The following UBR1 variants were observed in gnomAD, a reference collection of about 807,000 sequenced individuals.
The protein encoded by UBR1 is E3 ubiquitin-protein ligase UBR1.
A neutral mutation model predicts 242.1 loss-of-function variants in UBR1; 102 were observed. The ratio of observed to expected loss-of-function variants is 0.42; its 90% CI spans 0.36 to 0.50. The LOEUF is 0.50. Among genes scored for constraint, UBR1 ranks in the 20% least tolerant of loss-of-function variants. The pLI is 0.01. For synonymous variants in UBR1, 675 were observed against 684.8 expected (o/e 0.99, Z 0.22); for missense variants, 1,772 against 2,101.8 (o/e 0.84, Z 3.07).
rs771939192 is a variant in UBR1, at chr15:42,945,435, T to A, written c.5144A>T (p.Tyr1715Phe). 4.3e-6 allele frequency: 7 copies of A among 1,614,170 alleles called. No homozygotes were observed. The highest frequency in any genetic ancestry group is 5.9e-6 in the Non-Finnish European group (7 of 1,180,034). Reference sequence around the variant, plus strand: ...TTGCCAGACCAAATGGAGCTTCCGATACCGCTCACGAGATAAATGAAGGGG... The same window carrying A: ...TTGCCAGACCAAATGGAGCTTCCGAAACCGCTCACGAGATAAATGAAGGGG... ...GNPLHLSRERYRKLHLVWQQH... is the reference protein window; with the variant it reads ...GNPLHLSRERFRKLHLVWQQH... The change falls in exon 47 of 47, where the codon TAT becomes TTT. Residue 1715 changes from tyrosine to phenylalanine, a missense_variant. Around this residue, in one of 3 missense-constraint regions of UBR1, gnomAD observed 965 missense variants for 1,079.7 expected, o/e 0.89. Coordinates refer to ENST00000290650, the MANE Select transcript of UBR1 (RefSeq NM_174916.3).
At chr15:43,040,262 A>G (rs1296461824) in intron 15 of UBR1, among the ~76,000 whole-genome samples, 1 of 152,198 alleles carries the variant, frequency 6.6e-6, no homozygotes, top group Non-Finnish European at 1.5e-5. Context: ...ATATAGACCA[A>G]TGGGACTGAA....
chr15:43,021,267 T>A lies in UBR1; in HGVS notation c.2940+8A>T. On this transcript the variant is annotated splice_region_variant and intron_variant, in intron 27 of 46. Transcript: ENST00000290650. ...CCAAGATATGATCACTTTACTTTTT[T>A]AGTTTACCTGAAGTATCCACGTTAT... 1 of 1,612,018 alleles carries A rather than the reference T, an allele frequency of 6.2e-7. No individual in the cohort carries two copies. Among genetic ancestry groups the A allele is most frequent in the Non-Finnish European group, 8.5e-7 (1 of 1,178,270 alleles).
intron 33 of UBR1, among the ~76,000 whole-genome samples, chr15:42,994,746 T>C (rs1404932974): frequency 1.3e-5 from 2 of 152,218 alleles, no homozygotes; most frequent in African/African-American, 2.4e-5. Flanking sequence ...CAATTAGTCA[T>C]TCAATAAGCA....
intron 46 of UBR1, among the ~76,000 whole-genome samples, chr15:42,945,951 C>T (rs2031726253): frequency 6.6e-6 from 1 of 152,126 alleles, no homozygotes; most frequent in Non-Finnish European, 1.5e-5. Flanking sequence ...TGGTTATTAG[C>T]AAATAATTTA....
At chr15:42,968,531 CTG>C (rs1482288840) in intron 40 of UBR1, among the ~76,000 whole-genome samples, 3 of 151,740 alleles carry the variant, frequency 2.0e-5, no homozygotes, top group Non-Finnish European at 4.4e-5. Context: ...AGCTTCATAA[CTG>C]ATTATTATTA....
chr15:43,068,666 G>A (rs960542002), intron 5 of UBR1, among the ~76,000 whole-genome samples: 3 of 152,116 alleles, frequency 2.0e-5, no homozygotes, highest in Non-Finnish European at 1.5e-5. Flanking sequence ...TGTCACCCAG[G>A]CTGGAGTACG....
chr15:43,035,210 T>C (rs1014044465), intron 19 of UBR1, among the ~76,000 whole-genome samples: 1 of 152,190 alleles, frequency 6.6e-6, no homozygotes, highest in African/African-American at 2.4e-5. Context: ...ATACAATTTT[T>C]GTTTTAAAAA....
At chr15:43,093,742 C>T (rs973621511) in intron 1 of UBR1, among the ~76,000 whole-genome samples, 2 of 148,996 alleles carry the variant, frequency 1.3e-5, no homozygotes, top group Non-Finnish European at 3.0e-5. Flanking sequence ...GCCCTGATCG[C>T]GCCACCGCAC....
intron 41 of UBR1, among the ~76,000 whole-genome samples, chr15:42,964,315 C>T (rs1185413452): frequency 6.6e-6 from 1 of 151,832 alleles, no homozygotes; most frequent in Non-Finnish European, 1.5e-5. Context: ...ACTAAAAATA[C>T]AAAATTAGCC....
chr15:43,036,379 T>C, intron 18 of UBR1, 100 bp from the exon 19 acceptor site: 1 of 1,240,304 alleles, frequency 8.1e-7, no homozygotes, highest in Admixed American at 1.7e-5. Flanking sequence ...CAGAAGATAA[T>C]GTAGTAGTCC....
At chr15:42,993,683 A>C (rs1299222010) in intron 33 of UBR1, among the ~76,000 whole-genome samples, 5 of 152,050 alleles carry the variant, frequency 3.3e-5, no homozygotes, top group African/African-American at 1.2e-4. Context: ...TGTCTTTTAA[A>C]AAGTTACAAT....
At chr15:43,040,331 C>G (rs1742179441) in intron 15 of UBR1, among the ~76,000 whole-genome samples, 3 of 152,168 alleles carry the variant, frequency 2.0e-5, no homozygotes, top group South Asian at 4.2e-4. Context: ...ACAAACCTGA[C>G]AAAAACAAGA....
At chr15:43,086,835 TAAA>T (rs1472633234) in intron 1 of UBR1, among the ~76,000 whole-genome samples, 1 of 152,068 alleles carries the variant, frequency 6.6e-6, no homozygotes, top group Non-Finnish European at 1.5e-5. Flanking sequence ...GTGGCTAAAA[TAAA>T]AAACTGGCAA....
chr15:43,025,690 G>C (rs764073661), intron 23 of UBR1: 35 of 431,608 alleles, frequency 8.1e-5, no homozygotes, highest in Non-Finnish European at 1.3e-4. Flanking sequence ...TTATGCACAG[G>C]GTACTATGCT....
At chr15:43,105,911 G>C (rs564397814) in intron 1 of UBR1, 31 bp downstream of exon 1, 3 of 1,594,782 alleles carry the variant, frequency 1.9e-6, no homozygotes, top group East Asian at 2.2e-5. Context: ...ACCGGGGGGA[G>C]GACAAAAGAG....
At chr15:43,014,962 A>G (rs12902127) in intron 29 of UBR1, among the ~76,000 whole-genome samples, 126,010 of 146,596 alleles carry the variant, frequency 0.86, 54,057 homozygotes, top group South Asian at 0.91. Flanking sequence ...CTGCCCTGTC[A>G]GGGAGGGAGG....
At chr15:42,975,743 G>C (rs1289580994) in intron 39 of UBR1, among the ~76,000 whole-genome samples, 1 of 151,632 alleles carries the variant, frequency 6.6e-6, no homozygotes, top group Non-Finnish European at 1.5e-5. Context: ...GCCCAGGCTG[G>C]AGTGCCATGG....
chr15:42,947,821 G>C (rs1475781402), intron 46 of UBR1, among the ~76,000 whole-genome samples: 1 of 152,170 alleles, frequency 6.6e-6, no homozygotes, highest in Non-Finnish European at 1.5e-5. Flanking sequence ...CACGCTCATG[G>C]GTAGGAAGAA....
rs75776391 is a variant in UBR1 at position 43,011,820 on chromosome 15, G to A, written c.3209+3868C>T. On this transcript the variant is annotated intron_variant, in intron 29 of 46. Transcript: ENST00000290650. Reference sequence around the variant, plus strand: ...GAGACACATACAAAAAGATTCTCACGAACAGTTCTAAGGAAAAATTAGAAG... The same window carrying A: ...GAGACACATACAAAAAGATTCTCACAAACAGTTCTAAGGAAAAATTAGAAG... The A allele has an allele frequency of 4.3e-3, 1,641 of 385,796 alleles. 16 individuals are homozygous for A. Among genetic ancestry groups the A allele is most frequent in the African/African-American group, 0.027 (1,280 of 47,468 alleles). The allele number at this position is 385,796 out of a possible 1,614,324, so 23.9% of individuals were successfully genotyped here.
Sources: allele counts gnomAD v4.1 joint callset (sites outside exome capture counted in the v4.1 genomes callset), GRCh38; gene constraint gnomAD v4.1.1; regional missense constraint gnomAD v4.1.1; transcripts MANE v1.5; gene names NCBI Gene and HGNC (gene_info 2026-07-23, HGNC 2026-07-21).